The following CDKAL1 variants were observed in gnomAD, a reference collection of about 807,000 sequenced individuals.
The protein encoded by CDKAL1 is threonylcarbamoyladenosine tRNA methylthiotransferase.
In CDKAL1, 32 loss-of-function variants were observed where a neutral mutation model predicts 68.2. The ratio of observed to expected loss-of-function variants is 0.47; its 90% CI spans 0.35 to 0.63. The LOEUF (loss-of-function observed/expected upper bound fraction) is 0.63, where lower values mean the gene tolerates loss of function less well. CDKAL1 is among the 30% of genes least tolerant of loss of function. The pLI is 0.00. For synonymous variants in CDKAL1, 234 were observed against 244.3 expected, an observed-to-expected ratio of 0.96 and a Z score of 0.39; for missense variants, 606 against 696.7, an observed-to-expected ratio of 0.87 and a Z score of 1.47.
chr6:20,734,863 CTTTTTTTTTT>C (rs34104100), intron 5 of CDKAL1, among the ~76,000 whole-genome samples: 3 of 87,696 alleles, frequency 3.4e-5, no homozygotes, highest in East Asian at 3.8e-4. Context: ...TGCTGCACCT[CTTTTTTTTTT>C]TTTTTTTTTT....
At chr6:20,740,078 A>G (rs1477672595) in intron 6 of CDKAL1, among the ~76,000 whole-genome samples, 1 of 152,154 alleles carries the variant, frequency 6.6e-6, no homozygotes, top group Non-Finnish European at 1.5e-5. Context: ...GTAGTCCACC[A>G]TAATTATTCT....
At chr6:20,893,114 G>A (rs906558447) in intron 9 of CDKAL1, among the ~76,000 whole-genome samples, 2 of 152,176 alleles carry the variant, frequency 1.3e-5, no homozygotes, top group African/African-American at 2.4e-5. Context: ...TCCCAAAAAC[G>A]CATCTCTCTG....
chr6:20,728,000 A>G (rs1012016823), intron 5 of CDKAL1, among the ~76,000 whole-genome samples: 1 of 152,174 alleles, frequency 6.6e-6, no homozygotes, highest in Non-Finnish European at 1.5e-5. Flanking sequence ...TATATTTTAT[A>G]TGTAGTTGCA....
intron 8 of CDKAL1, among the ~76,000 whole-genome samples, chr6:20,809,880 T>A (rs1486556998): frequency 6.6e-6 from 1 of 152,236 alleles, no homozygotes; most frequent in Non-Finnish European, 1.5e-5. Context: ...TTTTTACTTT[T>A]AAGATCTTAT....
At chr6:20,982,913 A>T (rs1177312794) in intron 10 of CDKAL1, among the ~76,000 whole-genome samples, 1 of 152,232 alleles carries the variant, frequency 6.6e-6, no homozygotes, top group Non-Finnish European at 1.5e-5. Context: ...GGCTTCCCAA[A>T]TGGAACTTTT....
intron 12 of CDKAL1, among the ~76,000 whole-genome samples, chr6:21,091,056 C>T (rs995624168): frequency 1.1e-4 from 17 of 152,130 alleles, no homozygotes; most frequent in Non-Finnish European, 1.8e-4. Context: ...CTCTGCCTCC[C>T]GATGTGCTGT....
chr6:20,616,029 A>T (rs1766879900), intron 4 of CDKAL1, among the ~76,000 whole-genome samples: 1 of 148,918 alleles, frequency 6.7e-6, no homozygotes, highest in South Asian at 2.2e-4. Context: ...ACCATTTATT[A>T]AATAGGGAAT....
intron 13 of CDKAL1, among the ~76,000 whole-genome samples, chr6:21,145,579 C>G (rs1776125271): frequency 1.3e-5 from 2 of 152,300 alleles, no homozygotes; most frequent in East Asian, 1.9e-4. Flanking sequence ...AATGGTAAAT[C>G]AGATTTGCAA....
intron 8 of CDKAL1, among the ~76,000 whole-genome samples, chr6:20,837,386 G>C (rs748609683): frequency 6.6e-6 from 1 of 151,950 alleles, no homozygotes; most frequent in Non-Finnish European, 1.5e-5. Flanking sequence ...ACATGTTATA[G>C]AATTAGCCTC....
chr6:20,794,116 A>T (rs987399699), intron 8 of CDKAL1, among the ~76,000 whole-genome samples: 3 of 151,748 alleles, frequency 2.0e-5, no homozygotes, highest in East Asian at 1.9e-4. Context: ...GTAGTTTTTT[A>T]AAATCCTTCT....
chr6:21,205,830 CTTTT>C (rs34849597), intron 15 of CDKAL1, among the ~76,000 whole-genome samples: 1 of 66,610 alleles, frequency 1.5e-5, no homozygotes, highest in African/African-American at 8.7e-5. Context: ...CGCGCCCAGC[CTTTT>C]TTTTTTTTTT....
intron 15 of CDKAL1, among the ~76,000 whole-genome samples, chr6:21,209,349 G>T (rs567339349): frequency 6.6e-6 from 1 of 152,258 alleles, no homozygotes. Context: ...CTAGCTAAGC[G>T]CTAAGGAAAA....
At chr6:20,678,944 C>A (rs1232041890) in intron 5 of CDKAL1, among the ~76,000 whole-genome samples, 1 of 152,160 alleles carries the variant, frequency 6.6e-6, no homozygotes, top group Non-Finnish European at 1.5e-5. Flanking sequence ...CATACCCAGT[C>A]TGGAGTGCAG....
At chr6:21,145,758 G>A (rs747071640) in intron 13 of CDKAL1, among the ~76,000 whole-genome samples, 2 of 152,108 alleles carry the variant, frequency 1.3e-5, no homozygotes, top group Non-Finnish European at 2.9e-5. Context: ...AAATTCACCG[G>A]GCCTGGTGGC....
intron 5 of CDKAL1, among the ~76,000 whole-genome samples, chr6:20,700,983 G>A (rs928613204): frequency 6.6e-6 from 1 of 151,512 alleles, no homozygotes; most frequent in Middle Eastern, 3.4e-3. Flanking sequence ...CTTTAGTGAA[G>A]AGGAAAGCAG....
chr6:20,548,803 G>A lies in CDKAL1; in HGVS notation c.286+98G>A, dbSNP rs73732379. 59 of 584,302 alleles carry A rather than the reference G, an allele frequency of 1.0e-4. No homozygotes were observed. The African/African-American group carries it at 1.1e-3, about 11-fold the overall frequency. The allele number at this position is 584,302 out of a possible 1,614,324, so 36.2% of individuals were successfully genotyped here. A position where few individuals can be genotyped will look rare whatever the true frequency, so the allele number is the denominator to read the frequency against. On this transcript the variant is annotated intron_variant, in intron 4 of 15. Coordinates refer to ENST00000274695, the MANE Select transcript of CDKAL1 (RefSeq NM_017774.3). Reference sequence around the variant, plus strand: ...AGTTAAAGGGTATTTTAGCATGACAGTGATTTTAAGGTGAAACAGATAGTT... The same window carrying A: ...AGTTAAAGGGTATTTTAGCATGACAATGATTTTAAGGTGAAACAGATAGTT...
At chr6:20,662,130 G>A (rs1032594917) in intron 5 of CDKAL1, among the ~76,000 whole-genome samples, 1 of 152,042 alleles carries the variant, frequency 6.6e-6, no homozygotes, top group Non-Finnish European at 1.5e-5. Flanking sequence ...TTTGCTCTAA[G>A]AGTGACAAAC....
At chr6:20,665,185 T>C (rs1014447059) in intron 5 of CDKAL1, among the ~76,000 whole-genome samples, 1 of 152,104 alleles carries the variant, frequency 6.6e-6, no homozygotes. Context: ...TGAAAACTTA[T>C]CAGACCCAGT....
intron 8 of CDKAL1, among the ~76,000 whole-genome samples, chr6:20,827,607 T>G (rs773514570): frequency 1.4e-4 from 21 of 151,156 alleles, no homozygotes; most frequent in Non-Finnish European, 2.4e-4. Context: ...GTTTTAGACA[T>G]AAAAAAAAAG....
Sources: gnomAD v4.1 joint callset for allele counts (sites outside exome capture counted in the v4.1 genomes callset) on GRCh38, gnomAD v4.1.1 for gene constraint, MANE v1.5 for transcripts, NCBI Gene and HGNC (gene_info 2026-07-23, HGNC 2026-07-21) for gene names.